Variants in CTNNBL1 observed in about 807,000 individuals in gnomAD.
CTNNBL1 encodes catenin beta like 1, also known as beta-catenin-like protein 1.
Under a neutral mutation model 72.7 loss-of-function variants are expected in CTNNBL1, and 31 were observed. The observed-to-expected ratio is 0.43, with a 90% CI of 0.32 to 0.58. The LOEUF (loss-of-function observed/expected upper bound fraction) is 0.58. CTNNBL1 is among the 20% of genes least tolerant of loss of function. CTNNBL1 has a pLI of 0.08. For synonymous variants in CTNNBL1, 240 were observed against 267.3 expected (o/e 0.90, Z 1.00); for missense variants, 534 against 725.1 (o/e 0.74, Z 3.03).
chr20:37,770,636 A>G (rs1260697660), intron 7 of CTNNBL1, among the ~76,000 whole-genome samples: 1 of 152,032 alleles, frequency 6.6e-6, no homozygotes, highest in Admixed American at 6.6e-5. Context: ...CCTTATGATC[A>G]TAATGAAGGG....
Position 37,757,574 on chromosome 20 carries a change from T to C in CTNNBL1, c.482T>C (p.Val161Ala), listed in dbSNP as rs757114015. 1 of 1,613,700 alleles carries C rather than the reference T, an allele frequency of 6.2e-7. No individual in the cohort carries two copies. Among genetic ancestry groups the C allele is most frequent in the South Asian group, 1.1e-5 (1 of 91,062 alleles). The part of the protein sequence containing the change: ...GHDNTDVSIA[V>A]VDLLQELTDI... ...CATTTTTCACATGTGTCCATAGCTG[T>C]GGTCGATTTGCTTCAGGAATTAACA... is the stretch of plus-strand genomic sequence containing the variant. The change falls in exon 5 of 16, where the codon GTG becomes GCG. Residue 161 changes from valine (V) to alanine (A), a missense_variant. Transcript: ENST00000361383.
At chr20:37,821,053 G>A (rs2072102977) in intron 11 of CTNNBL1, among the ~76,000 whole-genome samples, 2 of 152,196 alleles carry the variant, frequency 1.3e-5, no homozygotes, top group African/African-American at 4.8e-5. Context: ...AACTAGGGAA[G>A]CCCCTCCTGG....
chr20:37,825,675 CA>C (rs1170982480), intron 11 of CTNNBL1, among the ~76,000 whole-genome samples: 6 of 148,230 alleles, frequency 4.0e-5, no homozygotes, highest in Admixed American at 6.7e-5. Context: ...AACCCCATCT[CA>C]AAAAAAAAAG....
chr20:37,710,627 AT>A (rs2072929172), intron 1 of CTNNBL1, among the ~76,000 whole-genome samples: 2 of 152,136 alleles, frequency 1.3e-5, no homozygotes, highest in South Asian at 4.1e-4. Flanking sequence ...TCCACTAATC[AT>A]GAGTCTTTCA....
At chr20:37,713,238 C>T (rs1015426068) in intron 1 of CTNNBL1, among the ~76,000 whole-genome samples, 5 of 152,150 alleles carry the variant, frequency 3.3e-5, no homozygotes, top group Non-Finnish European at 5.9e-5. Flanking sequence ...CCAGTGGTTG[C>T]GTGGGGATTC....
chr20:37,858,231 C>G (rs73292682), intron 13 of CTNNBL1, among the ~76,000 whole-genome samples: 48,294 of 152,044 alleles, frequency 0.32, 8,555 homozygotes, highest in South Asian at 0.43. Context: ...TGTCTTTTTT[C>G]CTCTCATTGT....
intron 11 of CTNNBL1, among the ~76,000 whole-genome samples, chr20:37,836,954 C>G (rs2072259639): frequency 5.3e-5 from 8 of 152,074 alleles, no homozygotes; most frequent in Admixed American, 5.2e-4. Flanking sequence ...CACCAGCTGT[C>G]ATACTAAGTA....
At chr20:37,829,330 A>C (rs977802750) in intron 11 of CTNNBL1, among the ~76,000 whole-genome samples, 7 of 152,198 alleles carry the variant, frequency 4.6e-5, no homozygotes, top group African/African-American at 1.7e-4. Context: ...GTTGGAGTGC[A>C]GGGACCATCT....
chr20:37,805,531 G>A (rs535481311), intron 11 of CTNNBL1, among the ~76,000 whole-genome samples: 1 of 151,504 alleles, frequency 6.6e-6, no homozygotes, highest in East Asian at 1.9e-4. Context: ...TGAGTAGCTG[G>A]GACTACAGGC....
At chr20:37,853,462 T>C (rs1423124523) in intron 13 of CTNNBL1, among the ~76,000 whole-genome samples, 1 of 152,224 alleles carries the variant, frequency 6.6e-6, no homozygotes, top group Non-Finnish European at 1.5e-5. Context: ...TGAGTGGAGT[T>C]GACAACAGCC....
Position 37,842,327 on chromosome 20 carries a change from T to G in CTNNBL1, c.1312-12T>G. On this transcript the variant is annotated splice_polypyrimidine_tract_variant and intron_variant, in intron 12 of 15. Transcript: ENST00000361383. ...TTCCTTCTCACTCAAGCCTGTGAAA[T>G]CTCTCTTTCAGGTTGACAGACTAAT... is the stretch of plus-strand genomic sequence containing the variant. The G allele has an allele frequency of 6.3e-7, 1 of 1,596,016 alleles. No individual in the cohort carries two copies. The highest frequency in any genetic ancestry group is 8.6e-7 in the Non-Finnish European group (1 of 1,163,514).
At chr20:37,850,486 C>T (rs1346672543) in intron 13 of CTNNBL1, among the ~76,000 whole-genome samples, 1 of 122,000 alleles carries the variant, frequency 8.2e-6, no homozygotes, top group Non-Finnish European at 1.8e-5. Flanking sequence ...TGTGCTGAGA[C>T]AGAACTAACA....
chr20:37,723,535 T>C (rs1196433928), intron 1 of CTNNBL1, among the ~76,000 whole-genome samples: 1 of 152,096 alleles, frequency 6.6e-6, no homozygotes, highest in Non-Finnish European at 1.5e-5. Flanking sequence ...GAAAAAAAGG[T>C]AGTAGGTTGA....
chr20:37,737,273 G>A (rs1018452184), intron 2 of CTNNBL1, 105 bp from the exon 3 acceptor site: 41 of 768,202 alleles, frequency 5.3e-5, no homozygotes, highest in Middle Eastern at 3.7e-4. Context: ...AACCCAGAAA[G>A]GTCAATGGCA....
chr20:37,869,970 G>A (rs2072568633), intron 15 of CTNNBL1, among the ~76,000 whole-genome samples: 2 of 149,370 alleles, frequency 1.3e-5, no homozygotes, highest in Admixed American at 1.3e-4. Context: ...AGGAGCCACC[G>A]CAGGAAGTCC....
intron 10 of CTNNBL1, among the ~76,000 whole-genome samples, chr20:37,800,946 A>G (rs941266590): frequency 2.0e-5 from 3 of 151,244 alleles, no homozygotes; most frequent in African/African-American, 7.4e-5. Flanking sequence ...TCATCTTATC[A>G]CTCAGTTCTC....
intron 10 of CTNNBL1, among the ~76,000 whole-genome samples, chr20:37,796,133 G>A (rs6013088): frequency 7.2e-5 from 11 of 152,204 alleles, no homozygotes; most frequent in African/African-American, 2.6e-4. Flanking sequence ...TGTAACTGGT[G>A]GGAATACAAA....
At chr20:37,715,052 C>G (rs1262439996) in intron 1 of CTNNBL1, among the ~76,000 whole-genome samples, 1 of 152,150 alleles carries the variant, frequency 6.6e-6, no homozygotes, top group Non-Finnish European at 1.5e-5. Context: ...TCTTACAGAC[C>G]TAGGACAAAC....
intron 2 of CTNNBL1, among the ~76,000 whole-genome samples, chr20:37,736,940 G>A (rs2122606047): frequency 6.6e-6 from 1 of 152,206 alleles, no homozygotes; most frequent in Admixed American, 6.5e-5. Context: ...AGTGTGTACT[G>A]TGGCCGGGCA....
Sources: gnomAD v4.1 joint callset for allele counts (sites outside exome capture counted in the v4.1 genomes callset) on GRCh38, gnomAD v4.1.1 for gene constraint, MANE v1.5 for transcripts, NCBI Gene and HGNC (gene_info 2026-07-23, HGNC 2026-07-21) for gene names.